The following ITSN1 variants were observed in gnomAD, a reference collection of about 807,000 sequenced individuals.
ITSN1 encodes the protein intersectin-1.
In ITSN1, 58 loss-of-function variants were observed where a neutral mutation model predicts 239.8. That is an observed-to-expected ratio of 0.24 (90% CI 0.20 to 0.30). The LOEUF (loss-of-function observed/expected upper bound fraction) is 0.30. ITSN1 is among the 10% of genes least tolerant of loss of function. The pLI, the probability that ITSN1 is intolerant of heterozygous loss-of-function variation, is 1.00. For synonymous variants in ITSN1, 780 were observed against 770.8 expected (o/e 1.01, Z -0.20); for missense variants, 1,558 against 2,103.3 (o/e 0.74, Z 5.07).
chr21:33,646,638 A>G (rs1173172208), intron 1 of ITSN1, among the ~76,000 whole-genome samples: 3 of 152,346 alleles, frequency 2.0e-5, no homozygotes, highest in South Asian at 2.1e-4. Flanking sequence ...TCAGCTGAAC[A>G]TGGAAATAGT....
intron 5 of ITSN1, 165 bp from the exon 6 acceptor site, chr21:33,749,978 G>A (rs2067438940): frequency 4.6e-6 from 3 of 650,282 alleles, no homozygotes. Context: ...TGTGATCCTT[G>A]ACATAATTTT....
intron 36 of ITSN1, among the ~76,000 whole-genome samples, chr21:33,884,017 A>T (rs548402837): frequency 1.3e-5 from 2 of 148,766 alleles, no homozygotes; most frequent in African/African-American, 5.0e-5. Context: ...CTCCCACCCT[A>T]GCCTCCCAGG....
intron 1 of ITSN1, among the ~76,000 whole-genome samples, chr21:33,646,526 G>A (rs1486334881): frequency 1.3e-5 from 2 of 152,052 alleles, no homozygotes; most frequent in Non-Finnish European, 2.9e-5. Flanking sequence ...TCACCACAGG[G>A]CACCATAGAT....
chr21:33,715,333 T>A (rs1268250186), intron 1 of ITSN1, among the ~76,000 whole-genome samples: 1 of 152,110 alleles, frequency 6.6e-6, no homozygotes, highest in Non-Finnish European at 1.5e-5. Flanking sequence ...AGTAGCTGGA[T>A]ACAAAGAAGA....
chr21:33,703,999 G>A (rs1279371144), intron 1 of ITSN1, among the ~76,000 whole-genome samples: 1 of 152,196 alleles, frequency 6.6e-6, no homozygotes. Flanking sequence ...ACCTCAGAGA[G>A]AAGAATGCCT....
At chr21:33,691,872 C>T (rs749615722) in intron 1 of ITSN1, among the ~76,000 whole-genome samples, 2 of 152,202 alleles carry the variant, frequency 1.3e-5, no homozygotes, top group Admixed American at 6.5e-5. Flanking sequence ...CCCAAAGGCT[C>T]GCTTTCCAAA....
intron 1 of ITSN1, among the ~76,000 whole-genome samples, chr21:33,672,360 T>A (rs1347320358): frequency 2.6e-5 from 4 of 152,208 alleles, no homozygotes; most frequent in African/African-American, 9.6e-5. Flanking sequence ...CAATGTATAC[T>A]CATAAGTCTC....
At position 33,702,093 on chromosome 21, in the gene ITSN1, ATTTTTTTTTTTTTTT is replaced by A. The variant is rs1162454097; in HGVS notation, c.-32-16677_-32-16663del. On this transcript the variant is annotated intron_variant, in intron 1 of 39. Coordinates refer to ENST00000381318, the MANE Select transcript of ITSN1 (RefSeq NM_003024.3). Reference sequence around the variant, plus strand: ...AAAAAACAAAAAAACAAACAAAAAAATTTTTTTTTTTTTTTTTTTTTTTTTTTTTTTTTTTTTTTT... The same window carrying A: ...AAAAAACAAAAAAACAAACAAAAAAATTTTTTTTTTTTTTTTTTTTTTTTT... Among the ~76,000 whole-genome samples the A allele has an allele frequency of 1.5e-4, 23 of 148,674 alleles. 2 individuals are homozygous for A. Among genetic ancestry groups the A allele is most frequent in the African/African-American group, 1.7e-4 (7 of 40,562 alleles).
At chr21:33,658,662 C>T (rs370265362) in intron 1 of ITSN1, among the ~76,000 whole-genome samples, 1 of 152,192 alleles carries the variant, frequency 6.6e-6, no homozygotes, top group African/African-American at 2.4e-5. Flanking sequence ...CTTAAAACTT[C>T]AATACATCTA....
chr21:33,731,761 C>T (rs1399653705), intron 4 of ITSN1, among the ~76,000 whole-genome samples: 2 of 152,264 alleles, frequency 1.3e-5, no homozygotes, highest in South Asian at 4.1e-4. Context: ...AATACAGTAA[C>T]CATTTCTAAT....
chr21:33,815,353 A>T (rs1406855826), intron 22 of ITSN1, among the ~76,000 whole-genome samples: 1 of 152,000 alleles, frequency 6.6e-6, no homozygotes, highest in Non-Finnish European at 1.5e-5. Flanking sequence ...AGCATTTAGC[A>T]CGTGTCACAT....
rs1986208239 is a variant in ITSN1 at position 33,889,467 on chromosome 21, G to A, written c.*1167G>A. ...CACCCCAACCTCACATAATATGCTT[G>A]TTGCAAGAGTCAGGACTTTATGACT... On this transcript the variant is annotated 3_prime_UTR_variant, in exon 40 of 40. Coordinates refer to ENST00000381318, the MANE Select transcript of ITSN1 (RefSeq NM_003024.3). 6.6e-6 allele frequency: 1 copy of A among 152,220 alleles called. No homozygotes were observed. Among genetic ancestry groups the A allele is most frequent in the Admixed American group, 6.5e-5 (1 of 15,282 alleles). 9.4% of individuals were successfully genotyped at this position (152,220 alleles called of 1,614,324 possible).
intron 17 of ITSN1, among the ~76,000 whole-genome samples, chr21:33,795,560 TAG>T (rs2071482208): frequency 6.6e-6 from 1 of 152,108 alleles, no homozygotes; most frequent in Non-Finnish European, 1.5e-5. Flanking sequence ...TATGGGTATA[TAG>T]AGTCTTCTGT....
At chr21:33,886,073 G>T (rs748499995) in intron 38 of ITSN1, among the ~76,000 whole-genome samples, 4 of 151,974 alleles carry the variant, frequency 2.6e-5, no homozygotes, top group Non-Finnish European at 4.4e-5. Flanking sequence ...CCAGGCATGG[G>T]GGCAGCCACC....
At chr21:33,755,201 T>C in intron 7 of ITSN1, 96 bp from the exon 8 acceptor site, 1 of 549,500 alleles carries the variant, frequency 1.8e-6, no homozygotes, top group Non-Finnish European at 3.2e-6. Context: ...TAGAGATGAT[T>C]ATCTAGAGAA....
rs1200782709 is a variant in ITSN1 at position 33,797,415 on chromosome 21, T to C, written c.1989T>C (p.His663=). 13 of 1,613,714 alleles carry C rather than the reference T, an allele frequency of 8.1e-6. No individual in the cohort carries two copies. Among genetic ancestry groups the C allele is most frequent in the African/African-American group, 1.3e-5 (1 of 74,828 alleles). The part of the protein sequence containing the change: ...AQERDKQWLE[H]VQQEDEHQRP... ...AAAGGGACAAGCAGTGGCTGGAGCA[T>C]GTGCAGCAGGAGGACGAGCATCAGA... is the stretch of plus-strand genomic sequence containing the variant. Residue 663 remains histidine (H), a synonymous_variant, in exon 18 of 40, where the codon CAT becomes CAC. Coordinates refer to ENST00000381318, the MANE Select transcript of ITSN1 (RefSeq NM_003024.3). This position sits in a 1 kb window ranked among gnomAD's most constrained non-coding sequence, Gnocchi z 4.9.
chr21:33,698,380 G>T (rs2091885502), intron 1 of ITSN1, among the ~76,000 whole-genome samples: 1 of 152,184 alleles, frequency 6.6e-6, no homozygotes, highest in East Asian at 1.9e-4. Flanking sequence ...ATTCTGGGAG[G>T]AATGCCTGTT....
intron 11 of ITSN1, among the ~76,000 whole-genome samples, chr21:33,769,313 C>T (rs1049986604): frequency 1.3e-5 from 2 of 152,190 alleles, no homozygotes; most frequent in African/African-American, 4.8e-5. Context: ...CCTTCAACAG[C>T]CGTTTATTAT....
chr21:33,826,736 G>A (rs538039615), intron 25 of ITSN1, 82 bp from the exon 26 acceptor site: 1 of 1,286,794 alleles, frequency 7.8e-7, no homozygotes, highest in East Asian at 2.3e-5. Flanking sequence ...GGCTCAAGCG[G>A]GTTTGTATCA....
Sources: gnomAD v4.1 joint callset for allele counts (sites outside exome capture counted in the v4.1 genomes callset) on GRCh38, gnomAD v4.1.1 for gene constraint, Gnocchi (gnomAD v3.1) non-coding constraint, MANE v1.5 for transcripts, NCBI Gene and HGNC (gene_info 2026-07-23, HGNC 2026-07-21) for gene names.